Variants in TDRD5 observed in about 807,000 individuals in gnomAD.
The protein encoded by TDRD5 is tudor domain-containing protein 5.
In TDRD5, 41 loss-of-function variants were observed where a neutral mutation model predicts 120.6. The observed-to-expected ratio is 0.34, with a 90% CI of 0.26 to 0.44. TDRD5 has a LOEUF of 0.44. Ranked by LOEUF, TDRD5 falls within the 20% of genes least tolerant of loss-of-function variation. The pLI is 1.00. For synonymous variants in TDRD5, 430 were observed against 433.7 expected (o/e 0.99, Z 0.11); for missense variants, 1,006 against 1,221.2 (o/e 0.82, Z 2.63).
intron 4 of TDRD5, among the ~76,000 whole-genome samples, chr1:179,609,270 G>A (rs965395346): frequency 1.3e-5 from 2 of 152,172 alleles, no homozygotes; most frequent in African/African-American, 4.8e-5. Context: ...ATATCTTGGA[G>A]ATGGGATCCC....
chr1:179,602,245 A>G (rs916978847), intron 4 of TDRD5, among the ~76,000 whole-genome samples: 3 of 152,236 alleles, frequency 2.0e-5, no homozygotes, highest in African/African-American at 7.2e-5. Flanking sequence ...GATGATGGCC[A>G]TTCTTGCAGG....
chr1:179,629,417 A>G (rs751479694), intron 6 of TDRD5, among the ~76,000 whole-genome samples: 4 of 152,064 alleles, frequency 2.6e-5, no homozygotes, highest in Middle Eastern at 3.4e-3. Context: ...AATTTGCACG[A>G]TAGATTAAGA....
chr1:179,613,623 C>G (rs764187719), intron 4 of TDRD5, among the ~76,000 whole-genome samples: 11 of 152,202 alleles, frequency 7.2e-5, no homozygotes, highest in Non-Finnish European at 1.5e-4. Flanking sequence ...CTTCCTCATT[C>G]ATAGATAGAG....
chr1:179,669,437 TTGACAAACA>T (rs1470956697), intron 17 of TDRD5, 33 bp downstream of exon 17: 2 of 1,609,730 alleles, frequency 1.2e-6, no homozygotes, highest in Non-Finnish European at 1.7e-6. Context: ...ATGCTCACAG[TTGACAAACA>T]TGATGGTTTG....
Position 179,612,917 on chromosome 1 carries a change from CAG to C in TDRD5, c.832-5679_832-5678del, listed in dbSNP as rs1274963042. Among the ~76,000 whole-genome samples, 34 of 129,480 alleles carry C rather than the reference CAG, an allele frequency of 2.6e-4. No individual in the cohort carries two copies. In the Admixed American group the frequency reaches 2.9e-3, roughly 11 times the overall value. The allele number at this position is 129,480 out of a possible 152,430, so 84.9% of individuals were successfully genotyped here. ...TGCCATTGCACTGCAGCCTGGGTGA[CAG>C]AGTGAGACTTTGTCTCAAAAAAAAA... On this transcript the variant is annotated intron_variant, in intron 4 of 17. Coordinates refer to ENST00000444136, the MANE Select transcript of TDRD5 (RefSeq NM_001199085.3).
intron 16 of TDRD5, among the ~76,000 whole-genome samples, chr1:179,663,788 A>G (rs1679433119): frequency 6.6e-6 from 1 of 152,162 alleles, no homozygotes; most frequent in Admixed American, 6.5e-5. Context: ...TTCAGAAGAG[A>G]ATCCTGAGCC....
chr1:179,616,922 AGTG>A (rs1676591877), intron 4 of TDRD5, among the ~76,000 whole-genome samples: 1 of 152,304 alleles, frequency 6.6e-6, no homozygotes, highest in African/African-American at 2.4e-5. Flanking sequence ...CACCTAGCAC[AGTG>A]ATAATTTAAT....
chr1:179,616,950 G>T (rs1461272515), intron 4 of TDRD5, among the ~76,000 whole-genome samples: 2 of 152,104 alleles, frequency 1.3e-5, no homozygotes, highest in Non-Finnish European at 2.9e-5. Context: ...TATTGTTATT[G>T]AATCTGCAAA....
At chr1:179,596,162 C>G (rs779429268) in intron 4 of TDRD5, among the ~76,000 whole-genome samples, 49 of 152,242 alleles carry the variant, frequency 3.2e-4, no homozygotes, top group Middle Eastern at 3.4e-3. Context: ...GCATAATAAT[C>G]CTGGTATTTT....
At chr1:179,684,501 T>G (rs1443750482) in intron 17 of TDRD5, among the ~76,000 whole-genome samples, 1 of 152,222 alleles carries the variant, frequency 6.6e-6, no homozygotes, top group Non-Finnish European at 1.5e-5. Context: ...AGTGCTGCAA[T>G]AAACATACAT....
chr1:179,655,744 A>G (rs1678973761), intron 14 of TDRD5, among the ~76,000 whole-genome samples: 1 of 152,150 alleles, frequency 6.6e-6, no homozygotes, highest in Non-Finnish European at 1.5e-5. Context: ...CATTCAGTAT[A>G]TTTCTGTACC....
chr1:179,654,157 G>A lies in TDRD5; in HGVS notation c.2161-44G>A. ...TATAGGCATGTAGATTTTGGAAACA[G>A]CATTAATATTTAAAATAAAGGAATT... is the stretch of plus-strand genomic sequence containing the variant. On this transcript the variant is annotated intron_variant, in intron 13 of 17. Coordinates refer to ENST00000444136, the MANE Select transcript of TDRD5 (RefSeq NM_001199085.3). 2.8e-6 allele frequency: 4 copies of A among 1,451,670 alleles called. No individual in the cohort carries two copies. In the South Asian group the frequency reaches 4.4e-5, roughly 16 times the overall value. The allele number at this position is 1,451,670 out of a possible 1,614,324, so 89.9% of individuals were successfully genotyped here. A position where few individuals can be genotyped will look rare whatever the true frequency, so the allele number is the denominator to read the frequency against.
chr1:179,662,318 A>G, intron 15 of TDRD5, 32 bp downstream of exon 15: 9 of 1,592,902 alleles, frequency 5.7e-6, no homozygotes, highest in South Asian at 1.1e-5. Context: ...AAAGCAAATC[A>G]GGCCGGGCAC....
At chr1:179,656,982 G>A (rs1679040068) in intron 14 of TDRD5, among the ~76,000 whole-genome samples, 1 of 152,174 alleles carries the variant, frequency 6.6e-6, no homozygotes, top group South Asian at 2.1e-4. Flanking sequence ...GAACCCGGAA[G>A]ACAGAGGGAG....
At chr1:179,621,578 C>G (rs1676845332) in intron 6 of TDRD5, among the ~76,000 whole-genome samples, 1 of 151,992 alleles carries the variant, frequency 6.6e-6, no homozygotes, top group Non-Finnish European at 1.5e-5. Context: ...AAATGAGAAA[C>G]AAATGGACAT....
chr1:179,691,084 T>A lies in TDRD5; in HGVS notation c.*141T>A. The A allele has an allele frequency of 1.1e-5, 12 of 1,096,438 alleles. No homozygotes were observed. The highest frequency in any genetic ancestry group is 2.6e-5 in the East Asian group (1 of 37,756). 67.9% of individuals were successfully genotyped at this position (1,096,438 alleles called of 1,614,324 possible). A position where few individuals can be genotyped will look rare whatever the true frequency, so the allele number is the denominator to read the frequency against. The stretch of plus-strand genomic sequence containing the variant: ...TCTTTCTGTGACTATATGTTAGCTT[T>A]ATTATGCTAACAGTCTACTTTGATG... On this transcript the variant is annotated 3_prime_UTR_variant, in exon 18 of 18. Coordinates refer to ENST00000444136, the MANE Select transcript of TDRD5 (RefSeq NM_001199085.3).
At chr1:179,668,003 C>T (rs1679642042) in intron 16 of TDRD5, among the ~76,000 whole-genome samples, 1 of 152,170 alleles carries the variant, frequency 6.6e-6, no homozygotes, top group Non-Finnish European at 1.5e-5. Flanking sequence ...AGACGATAAA[C>T]CACTTAGTTC....
chr1:179,677,624 T>G (rs1447927661), intron 17 of TDRD5, among the ~76,000 whole-genome samples: 1 of 152,144 alleles, frequency 6.6e-6, no homozygotes, highest in Non-Finnish European at 1.5e-5. Flanking sequence ...TTTTTGCTCT[T>G]CTGGGTTTAG....
chr1:179,617,430 A>G (rs1676620695), intron 4 of TDRD5, among the ~76,000 whole-genome samples: 1 of 152,124 alleles, frequency 6.6e-6, no homozygotes, highest in African/African-American at 2.4e-5. Flanking sequence ...CTTGTGAGAG[A>G]TGGAGATTAT....
Sources: allele counts gnomAD v4.1 joint callset (sites outside exome capture counted in the v4.1 genomes callset), GRCh38; gene constraint gnomAD v4.1.1; transcripts MANE v1.5; gene names NCBI Gene and HGNC (gene_info 2026-07-23, HGNC 2026-07-21).